The following TSHR variants were observed in gnomAD, a reference collection of about 807,000 sequenced individuals.
TSHR encodes thyroid stimulating hormone receptor, also known as thyrotropin receptor.
Under a neutral mutation model 64.1 loss-of-function variants are expected in TSHR, and 51 were observed. The ratio of observed to expected loss-of-function variants is 0.80; its 90% CI spans 0.64 to 1.01. The LOEUF (loss-of-function observed/expected upper bound fraction) is 1.01. TSHR is among the 50% of genes least tolerant of loss of function. The pLI, the probability that TSHR is intolerant of heterozygous loss-of-function variation, is 0.00. For synonymous variants in TSHR, 361 were observed against 361.9 expected (o/e 1.00, Z 0.03); for missense variants, 877 against 942.8 (o/e 0.93, Z 0.91).
chr14:80,992,554 C>G (rs1349022166), intron 1 of TSHR: 1 of 152,026 alleles, frequency 6.6e-6, no homozygotes, highest in Non-Finnish European at 1.5e-5. Context: ...ATGTGAGATA[C>G]TCAAGAGGAC....
At chr14:81,120,872 C>T (rs910230812) in intron 8 of TSHR, among the ~76,000 whole-genome samples, 1 of 151,888 alleles carries the variant, frequency 6.6e-6, no homozygotes, top group African/African-American at 2.4e-5. Flanking sequence ...ATTCCTTATA[C>T]AGGAATATTC....
rs1025415976 is a variant in TSHR, at chr14:81,146,277, A to C, written c.*1924A>C. ...AAATTTGCACTCACAACATGAAATA[A>C]ATTTTCTTCCTATGGAATAATCGTG... On this transcript the variant is annotated 3_prime_UTR_variant, in exon 10 of 10. Coordinates refer to ENST00000298171, the MANE Select transcript of TSHR (RefSeq NM_000369.5). 3.0e-5 allele frequency: 6 copies of C among 199,510 alleles called. No individual in the cohort carries two copies. Among genetic ancestry groups the C allele is most frequent in the African/African-American group, 1.4e-4 (6 of 43,614 alleles). The allele number at this position is 199,510 out of a possible 1,614,324, so 12.4% of individuals were successfully genotyped here. A position where few individuals can be genotyped will look rare whatever the true frequency, so the allele number is the denominator to read the frequency against.
intron 3 of TSHR, among the ~76,000 whole-genome samples, chr14:81,085,251 G>T (rs1372612973): frequency 1.3e-5 from 2 of 152,140 alleles, no homozygotes; most frequent in Non-Finnish European, 2.9e-5. Flanking sequence ...AGTGCTTACA[G>T]GCATGCGCCA....
intron 8 of TSHR, among the ~76,000 whole-genome samples, chr14:81,125,488 T>G (rs1271709929): frequency 6.6e-6 from 1 of 152,132 alleles, no homozygotes; most frequent in African/African-American, 2.4e-5. Context: ...CTGACTATAT[T>G]ATTGCTGATA....
intron 1 of TSHR, chr14:80,982,622 C>A: frequency 9.3e-7 from 1 of 1,077,880 alleles, no homozygotes; most frequent in Non-Finnish European, 1.3e-6. Context: ...AAAAAATAGG[C>A]CCAAGGACTG....
chr14:81,111,455 G>T (rs1407940820), intron 8 of TSHR, among the ~76,000 whole-genome samples: 1 of 152,084 alleles, frequency 6.6e-6, no homozygotes, highest in African/African-American at 2.4e-5. Flanking sequence ...AAACCTCTTT[G>T]GGTTCACATG....
intron 1 of TSHR, chr14:80,982,632 G>A (rs1038090611): frequency 4.6e-6 from 5 of 1,093,210 alleles, no homozygotes; most frequent in Middle Eastern, 2.2e-4. Context: ...CCCAAGGACT[G>A]GTCTGAGGTA....
At chr14:81,121,911 C>A in intron 8 of TSHR, among the ~76,000 whole-genome samples, 1 of 148,132 alleles carries the variant, frequency 6.8e-6, no homozygotes, top group Non-Finnish European at 1.5e-5. Context: ...CCACTGCACT[C>A]CAGCCTGGGA....
chr14:81,133,571 T>G (rs1022944068), intron 8 of TSHR, among the ~76,000 whole-genome samples: 1 of 152,226 alleles, frequency 6.6e-6, no homozygotes, highest in African/African-American at 2.4e-5. Context: ...CCCACTAAGC[T>G]GAAGAGGTTG....
intron 2 of TSHR, among the ~76,000 whole-genome samples, chr14:81,064,707 G>C (rs964610931): frequency 3.3e-5 from 5 of 152,082 alleles, no homozygotes; most frequent in Non-Finnish European, 7.4e-5. Flanking sequence ...AGAGTAAAGA[G>C]GATTGGGAGT....
At chr14:81,041,062 G>A (rs1047515923) in intron 1 of TSHR, among the ~76,000 whole-genome samples, 1 of 152,160 alleles carries the variant, frequency 6.6e-6, no homozygotes, top group Non-Finnish European at 1.5e-5. Context: ...TACACTGTTG[G>A]TGGGGGTGTA....
intron 8 of TSHR, among the ~76,000 whole-genome samples, chr14:81,134,765 T>A (rs1234385013): frequency 6.6e-6 from 1 of 152,048 alleles, no homozygotes; most frequent in Non-Finnish European, 1.5e-5. Context: ...ACAAAACAGA[T>A]AAAATGAGAA....
Position 81,103,017 on chromosome 14 carries a change from A to G in TSHR, c.615-5358A>G. 1 of 985,424 alleles carries G rather than the reference A, an allele frequency of 1.0e-6. No homozygotes were observed. The highest frequency in any genetic ancestry group is 1.2e-6 in the Non-Finnish European group (1 of 829,916). The allele number at this position is 985,424 out of a possible 1,614,324, so 61.0% of individuals were successfully genotyped here. ...ATTCTACCCTAAGTTTCTGACTCCT[A>G]GTCAATAGAAATTTATTCTTTCCTA... On this transcript the variant is annotated intron_variant, in intron 7 of 9. Coordinates refer to ENST00000298171, the MANE Select transcript of TSHR (RefSeq NM_000369.5). This position sits in a 1 kb window ranked among gnomAD's most constrained non-coding sequence, Gnocchi z 4.1.
chr14:81,134,771 G>A (rs1450827779), intron 8 of TSHR, among the ~76,000 whole-genome samples: 1 of 152,162 alleles, frequency 6.6e-6, no homozygotes, highest in Non-Finnish European at 1.5e-5. Context: ...CAGATAAAAT[G>A]AGAATAAGTT....
intron 1 of TSHR, among the ~76,000 whole-genome samples, chr14:80,973,403 C>CA (rs58316010): frequency 0.043 from 2,203 of 51,394 alleles, 282 homozygotes; most frequent in African/African-American, 0.063. Flanking sequence ...GACGCTGTCT[C>CA]AAAAAAAAAA....
intron 1 of TSHR, chr14:80,994,426 A>G (rs1888899912): frequency 6.6e-6 from 1 of 152,168 alleles, no homozygotes; most frequent in Non-Finnish European, 1.5e-5. Context: ...AGCCAAGGCA[A>G]TCCTAAGCAA....
At chr14:81,060,244 T>C (rs1025525815) in intron 1 of TSHR, among the ~76,000 whole-genome samples, 4 of 152,126 alleles carry the variant, frequency 2.6e-5, no homozygotes, top group African/African-American at 9.7e-5. Flanking sequence ...GAGCTTAAAC[T>C]CAATCGCCTT....
chr14:81,122,447 T>C (rs749892297), intron 8 of TSHR, among the ~76,000 whole-genome samples: 12 of 149,518 alleles, frequency 8.0e-5, no homozygotes, highest in Admixed American at 2.0e-4. Flanking sequence ...GGACATCTTA[T>C]GAAAAAAAAA....
chr14:81,139,015 A>C (rs889855892), intron 8 of TSHR, among the ~76,000 whole-genome samples: 1 of 151,188 alleles, frequency 6.6e-6, no homozygotes, highest in African/African-American at 2.4e-5. Flanking sequence ...CCTGACCACC[A>C]CCCCCCTCAC....
Sources: gnomAD v4.1 joint callset for allele counts (sites outside exome capture counted in the v4.1 genomes callset) on GRCh38, gnomAD v4.1.1 for gene constraint, Gnocchi (gnomAD v3.1) non-coding constraint, MANE v1.5 for transcripts, NCBI Gene and HGNC (gene_info 2026-07-23, HGNC 2026-07-21) for gene names.